Variants in VSNL1 observed in about 807,000 individuals in gnomAD.
The protein encoded by VSNL1 is visinin-like protein 1.
In VSNL1, 6 loss-of-function variants were observed where a neutral mutation model predicts 20.4. That is an observed-to-expected ratio of 0.29 (90% CI 0.16 to 0.58). The LOEUF is 0.58. Ranked by LOEUF, VSNL1 falls within the 20% of genes least tolerant of loss-of-function variation. The probability of loss-of-function intolerance (pLI) is 0.90; values close to 1 mark genes in which losing one functional copy is unlikely to be tolerated. For synonymous variants in VSNL1, 93 were observed against 86.4 expected, an observed-to-expected ratio of 1.08 and a Z score of -0.42; for missense variants, 100 against 234.5, an observed-to-expected ratio of 0.43 and a Z score of 3.75.
At chr2:17,652,043 GACCATTTTGGGGTTCTT>G (rs769677209) in intron 3 of VSNL1, among the ~76,000 whole-genome samples, 15 of 152,194 alleles carry the variant, frequency 9.9e-5, no homozygotes, top group Non-Finnish European at 2.2e-4. Context: ...CCCAATTTGT[GACCATTTTGGGGTTCTT>G]ACTGATTTTC....
intron 2 of VSNL1, among the ~76,000 whole-genome samples, chr2:17,637,951 C>T (rs1665792757): frequency 6.6e-6 from 1 of 152,126 alleles, no homozygotes; most frequent in South Asian, 2.1e-4. Context: ...GCTGAGCGGT[C>T]AAGTCAAGAC....
intron 1 of VSNL1, 159 bp downstream of exon 1, chr2:17,541,077 C>T (rs1232500065): frequency 7.6e-6 from 1 of 130,820 alleles, no homozygotes; most frequent in African/African-American, 3.0e-5. Flanking sequence ...TGAATGTGCT[C>T]TTAGTCCATG....
intron 2 of VSNL1, among the ~76,000 whole-genome samples, chr2:17,615,341 AT>A (rs1396754739): frequency 6.6e-6 from 1 of 152,142 alleles, no homozygotes. Context: ...TTTTTTAAAA[AT>A]ATTTTGCTGA....
intron 2 of VSNL1, among the ~76,000 whole-genome samples, chr2:17,645,850 CA>C (rs34750646): frequency 0.3 from 46,224 of 151,896 alleles, 7,539 homozygotes; most frequent in Non-Finnish European, 0.34. Context: ...CAACCGGGAG[CA>C]GTCAAGGTCT....
At chr2:17,585,510 G>A (rs1292845765) in intron 1 of VSNL1, among the ~76,000 whole-genome samples, 3 of 152,012 alleles carry the variant, frequency 2.0e-5, no homozygotes, top group African/African-American at 7.3e-5. Context: ...GTGGTGCTGG[G>A]GGTTGTTTCA....
At chr2:17,588,910 A>G (rs1256212874) in intron 1 of VSNL1, among the ~76,000 whole-genome samples, 2 of 152,240 alleles carry the variant, frequency 1.3e-5, no homozygotes, top group African/African-American at 2.4e-5. Flanking sequence ...CTCAAGAAAT[A>G]TTATTTGAGC....
chr2:17,622,206 CTA>C lies in VSNL1; in HGVS notation c.163-27202_163-27201del, dbSNP rs780980075. Among the ~76,000 whole-genome samples the C allele has an allele frequency of 2.3e-3, 324 of 143,836 alleles. 1 individual carries two copies. The highest frequency in any genetic ancestry group is 3.5e-3 in the Middle Eastern group (1 of 284). 94.4% of individuals were successfully genotyped at this position (143,836 alleles called of 152,430 possible). On this transcript the variant is annotated intron_variant, in intron 2 of 3. Transcript: ENST00000295156. ...ACATGAACATAAAAATCTTCAGACT[CTA>C]TCTCAAAAAAAAAAAAAAAATCAGG...
At chr2:17,648,406 C>T (rs566794743) in intron 2 of VSNL1, among the ~76,000 whole-genome samples, 10 of 152,190 alleles carry the variant, frequency 6.6e-5, no homozygotes, top group Non-Finnish European at 1.5e-4. Context: ...GAAGGCTGCT[C>T]ACCTGGTCCA....
chr2:17,610,934 A>AT (rs1198464527), intron 2 of VSNL1, among the ~76,000 whole-genome samples: 1 of 152,130 alleles, frequency 6.6e-6, no homozygotes, highest in East Asian at 1.9e-4. Flanking sequence ...CAGTTGTGGC[A>AT]TTTTCTGATC....
At chr2:17,562,288 C>A (rs532643658) in intron 1 of VSNL1, among the ~76,000 whole-genome samples, 48 of 152,172 alleles carry the variant, frequency 3.2e-4, no homozygotes, top group African/African-American at 1.2e-3. Flanking sequence ...GTGAAAGAAA[C>A]CCTATTCAGT....
chr2:17,638,843 G>A (rs1290534122), intron 2 of VSNL1, among the ~76,000 whole-genome samples: 3 of 152,206 alleles, frequency 2.0e-5, no homozygotes, highest in Non-Finnish European at 2.9e-5. Context: ...GGGTTTGGGA[G>A]GAGAGAGCAG....
intron 1 of VSNL1, among the ~76,000 whole-genome samples, chr2:17,570,153 A>G (rs1472721971): frequency 6.6e-6 from 1 of 152,150 alleles, no homozygotes; most frequent in Non-Finnish European, 1.5e-5. Context: ...TTTCACTTCC[A>G]TTATCAGCAG....
chr2:17,606,561 T>C (rs1458739041), intron 2 of VSNL1, among the ~76,000 whole-genome samples: 1 of 152,180 alleles, frequency 6.6e-6, no homozygotes, highest in African/African-American at 2.4e-5. Flanking sequence ...AGGTGGGCTA[T>C]GACTGTGAGG....
intron 1 of VSNL1, among the ~76,000 whole-genome samples, chr2:17,585,315 TTGGCTTC>T (rs1013787142): frequency 6.6e-6 from 1 of 151,894 alleles, no homozygotes; most frequent in Non-Finnish European, 1.5e-5. Context: ...TTGTGAGTAC[TTGGCTTC>T]TGGAGGACAA....
intron 1 of VSNL1, among the ~76,000 whole-genome samples, chr2:17,551,269 C>G (rs1663528901): frequency 6.6e-6 from 1 of 152,122 alleles, no homozygotes; most frequent in Non-Finnish European, 1.5e-5. Context: ...GGGAAGCCAG[C>G]AGGACAAAAG....
chr2:17,644,366 T>A (rs984868014), intron 2 of VSNL1, among the ~76,000 whole-genome samples: 2 of 152,152 alleles, frequency 1.3e-5, no homozygotes, highest in Admixed American at 1.3e-4. Context: ...TCTGAACAGC[T>A]CCTGTCCTTG....
chr2:17,622,023 G>A (rs1466666424), intron 2 of VSNL1, among the ~76,000 whole-genome samples: 3 of 152,022 alleles, frequency 2.0e-5, no homozygotes, highest in African/African-American at 4.8e-5. Context: ...GAGAGGCTGG[G>A]CTGATAGTGA....
intron 2 of VSNL1, among the ~76,000 whole-genome samples, chr2:17,626,314 T>TGTA (rs2103407645): frequency 6.6e-6 from 1 of 152,234 alleles, no homozygotes; most frequent in African/African-American, 2.4e-5. Flanking sequence ...TGAGGACTTG[T>TGTA]GTAGTACCCC....
chr2:17,576,428 T>C (rs1380203213), intron 1 of VSNL1, among the ~76,000 whole-genome samples: 1 of 152,220 alleles, frequency 6.6e-6, no homozygotes, highest in Admixed American at 6.5e-5. Context: ...TACCTTCCCC[T>C]GGAATCAAAA....
Sources: allele counts gnomAD v4.1 joint callset (sites outside exome capture counted in the v4.1 genomes callset), GRCh38; gene constraint gnomAD v4.1.1; transcripts MANE v1.5; gene names NCBI Gene and HGNC (gene_info 2026-07-23, HGNC 2026-07-21).